Variants in IRGM observed in about 807,000 individuals in gnomAD.
IRGM encodes the protein immunity related GTPase M.
For synonymous variants in IRGM, 98 were observed against 80.6 expected, an observed-to-expected ratio of 1.22 and a Z score of -1.16; for missense variants, 288 against 219.9, an observed-to-expected ratio of 1.31 and a Z score of -1.96.
At chr5:150,893,690 A>G (rs186052033) in intron 3 of IRGM, among the ~76,000 whole-genome samples, 1 of 152,280 alleles carries the variant, frequency 6.6e-6, no homozygotes, top group East Asian at 1.9e-4. Flanking sequence ...AAAACTAGGT[A>G]TCTGCCATTT....
intron 1 of IRGM, among the ~76,000 whole-genome samples, chr5:150,862,723 TA>T (rs1228870851): frequency 6.6e-6 from 1 of 152,192 alleles, no homozygotes; most frequent in Non-Finnish European, 1.5e-5. Context: ...GGAAGGTTTT[TA>T]ACTGCAGTAT....
At chr5:150,861,963 A>G (rs1479505940) in intron 1 of IRGM, among the ~76,000 whole-genome samples, 1 of 152,214 alleles carries the variant, frequency 6.6e-6, no homozygotes, top group Non-Finnish European at 1.5e-5. Flanking sequence ...ATTATCTTAC[A>G]GATTATGTGG....
At chr5:150,882,870 C>G (rs1036408953) in intron 3 of IRGM, among the ~76,000 whole-genome samples, 3 of 152,116 alleles carry the variant, frequency 2.0e-5, no homozygotes, top group African/African-American at 7.2e-5. Context: ...ACCAAAGGGA[C>G]CTAACAGACA....
chr5:150,877,806 T>C (rs1754386179), intron 1 of IRGM, among the ~76,000 whole-genome samples: 2 of 152,326 alleles, frequency 1.3e-5, no homozygotes, highest in South Asian at 4.1e-4. Flanking sequence ...TTATTTTTTA[T>C]TATTCAGAAT....
chr5:150,850,108 T>C (rs188678233), downstream of IRGM, among the ~76,000 whole-genome samples: 7 of 152,330 alleles, frequency 4.6e-5, no homozygotes, highest in Middle Eastern at 6.8e-3. Context: ...TTTTAAACTC[T>C]AGCTTTTGGA....
chr5:150,868,447 C>T (rs1461692114), intron 1 of IRGM, among the ~76,000 whole-genome samples: 1 of 152,050 alleles, frequency 6.6e-6, no homozygotes, highest in Non-Finnish European at 1.5e-5. Flanking sequence ...ATTGCTTTGG[C>T]TGTGCAGGCT....
intron 1 of IRGM, among the ~76,000 whole-genome samples, chr5:150,867,356 G>GTA (rs1243686986): frequency 2.0e-5 from 3 of 152,020 alleles, no homozygotes; most frequent in Non-Finnish European, 2.9e-5. Flanking sequence ...GTATTCCATG[G>GTA]TATATATATA....
Position 150,848,067 on chromosome 5 carries a change from C to A in IRGM, c.-57C>A. ...CTGCTCGCCTCGGCCTTCCAAAGTG[C>A]TGGGATTACAGGCATGAGCCACGGC... On this transcript the variant is annotated 5_prime_UTR_variant, in exon 2 of 2. It adds an upstream start codon to the 5' untranslated region. Transcript: ENST00000522154. 1 of 1,395,544 alleles carries A rather than the reference C, an allele frequency of 7.2e-7. No individual in the cohort carries two copies. The highest frequency in any genetic ancestry group is 9.7e-7 in the Non-Finnish European group (1 of 1,035,034). 86.4% of individuals were successfully genotyped at this position (1,395,544 alleles called of 1,614,324 possible).
intron 1 of IRGM, among the ~76,000 whole-genome samples, chr5:150,867,830 GT>G (rs796153462): frequency 0.013 from 1,754 of 139,162 alleles, 44 homozygotes; most frequent in African/African-American, 0.041. Context: ...GGGATTATTT[GT>G]TTTTTTTTTT....
At chr5:150,864,076 C>T (rs2113268452) in intron 1 of IRGM, among the ~76,000 whole-genome samples, 1 of 152,240 alleles carries the variant, frequency 6.6e-6, no homozygotes, top group Admixed American at 6.5e-5. Flanking sequence ...TATGCAATTT[C>T]TCTTGGAGCC....
In IRGM at chr5:150,848,004, TG is replaced by T. The variant is rs532014607; in HGVS notation, c.-119del. ...TATTTTAGTAGAGAAGGTTTCACGA[TG>T]TTGGCCAGGATGGTCTCAATCTCCT... On this transcript the variant is annotated 5_prime_UTR_variant, in exon 2 of 2. The change abolishes an upstream ATG in the 5' untranslated region. Transcript: ENST00000522154. 1.4e-4 allele frequency: 101 copies of T among 742,236 alleles called. No individual in the cohort carries two copies. In the South Asian group the frequency reaches 1.8e-3, roughly 13 times the overall value. 46.0% of individuals were successfully genotyped at this position (742,236 alleles called of 1,614,324 possible).
downstream of IRGM, among the ~76,000 whole-genome samples, chr5:150,851,497 T>A (rs546133538): frequency 6.6e-6 from 1 of 152,328 alleles, no homozygotes; most frequent in East Asian, 1.9e-4. Flanking sequence ...GGGCAAACAT[T>A]CAACTTTATA....
At chr5:150,854,695 A>C (rs1754027270) in intron 1 of IRGM, among the ~76,000 whole-genome samples, 1 of 152,130 alleles carries the variant, frequency 6.6e-6, no homozygotes, top group Non-Finnish European at 1.5e-5. Flanking sequence ...CTTATTGAGA[A>C]TAGCTTGTAT....
chr5:150,880,066 A>G (rs1052086765), intron 3 of IRGM, among the ~76,000 whole-genome samples: 2 of 152,198 alleles, frequency 1.3e-5, no homozygotes, highest in Non-Finnish European at 1.5e-5. Flanking sequence ...AGTCATCTGA[A>G]CCATTAAAAT....
At chr5:150,899,519 C>A in intron 3 of IRGM, among the ~76,000 whole-genome samples, 1 of 151,848 alleles carries the variant, frequency 6.6e-6, no homozygotes, top group South Asian at 2.1e-4. Context: ...ATCTTAGCTT[C>A]CCCCAAATGT....
Position 150,848,279 on chromosome 5 carries a change from C to T in IRGM, c.156C>T (p.Ala52=). 6.4e-7 allele frequency: 1 copy of T among 1,551,764 alleles called. No homozygotes were observed. Among genetic ancestry groups the T allele is most frequent in the Non-Finnish European group, 8.7e-7 (1 of 1,146,992 alleles). Residue 52 remains alanine (A), a synonymous_variant, in exon 2 of 2, where the codon GCC becomes GCT. Coordinates refer to ENST00000522154, the MANE Select transcript of IRGM (RefSeq NM_001145805.2). The stretch of plus-strand genomic sequence containing the variant: ...ATGGGATGTCCACCTTCATCAGTGC[C>T]CTTCGAAACACAGGACATGAGGGTA... ...SGNGMSTFIS[A]LRNTGHEGKA...
chr5:150,895,456 G>A (rs2113308122), intron 3 of IRGM: 1 of 1,610,916 alleles, frequency 6.2e-7, no homozygotes, highest in East Asian at 2.2e-5. Flanking sequence ...ATTCTCTGGT[G>A]TACAGTTAGT....
chr5:150,848,949 G>A (rs1480470816), downstream of IRGM, among the ~76,000 whole-genome samples: 1 of 152,004 alleles, frequency 6.6e-6, no homozygotes, highest in African/African-American at 2.4e-5. Context: ...TATATCATCA[G>A]GGTCCTAGCA....
chr5:150,893,126 G>A (rs143179189), intron 3 of IRGM, among the ~76,000 whole-genome samples: 2,258 of 152,112 alleles, frequency 0.015, 55 homozygotes, highest in African/African-American at 0.052. Context: ...TTTTGTGAAT[G>A]GTATGCAGTA....
Sources: gnomAD v4.1 joint callset for allele counts (sites outside exome capture counted in the v4.1 genomes callset) on GRCh38, gnomAD v4.1.1 for gene constraint, MANE v1.5 for transcripts, NCBI Gene and HGNC (gene_info 2026-07-23, HGNC 2026-07-21) for gene names.